ATP2C1: variants seen among roughly 807,000 people sequenced by gnomAD.
ATP2C1 encodes the protein ATPase secretory pathway Ca2+ transporting 1.
Under a neutral mutation model 120.5 loss-of-function variants are expected in ATP2C1, and 31 were observed. The ratio of observed to expected loss-of-function variants is 0.26; its 90% confidence interval spans 0.19 to 0.35. ATP2C1 has a LOEUF of 0.35. ATP2C1 is among the 10% of genes least tolerant of loss of function. The pLI is 1.00. For synonymous variants in ATP2C1, 351 were observed against 358.7 expected, an observed-to-expected ratio of 0.98 and a Z score of 0.24; for missense variants, 731 against 1,107.5, an observed-to-expected ratio of 0.66 and a Z score of 4.83.
rs1347094326 is a variant in ATP2C1 at position 130,919,131 on chromosome 3, G to T, written c.7-11285G>T. 1.2e-5 allele frequency: 4 copies of T among 324,882 alleles called. No homozygotes were observed. In the East Asian group the frequency reaches 4.0e-4, roughly 33 times the overall value. 20.1% of individuals were successfully genotyped at this position (324,882 alleles called of 1,614,324 possible). A position where few individuals can be genotyped will look rare whatever the true frequency, so the allele number is the denominator to read the frequency against. On this transcript the variant is annotated intron_variant, in intron 2 of 27. Transcript: ENST00000510168. ...TCCACGCAGGCATTTTGAGTTGGAGGCAGGAGCACGCATCACAGGCGGAGC... is the reference window on the plus strand; with the variant it reads ...TCCACGCAGGCATTTTGAGTTGGAGTCAGGAGCACGCATCACAGGCGGAGC...
chr3:130,924,344 C>T (rs985295801), intron 2 of ATP2C1, among the ~76,000 whole-genome samples: 2 of 152,082 alleles, frequency 1.3e-5, no homozygotes, highest in Non-Finnish European at 2.9e-5. Flanking sequence ...CTTAGTTTTG[C>T]TGGATACAAA....
intron 1 of ATP2C1, among the ~76,000 whole-genome samples, chr3:130,866,825 C>A (rs1337382103): frequency 6.6e-6 from 1 of 152,158 alleles, no homozygotes; most frequent in African/African-American, 2.4e-5. Flanking sequence ...CCATTTTATT[C>A]CACTTCACTT....
chr3:131,010,002 T>C (rs968028586), intron 26 of ATP2C1, among the ~76,000 whole-genome samples: 1 of 152,044 alleles, frequency 6.6e-6, no homozygotes, highest in Non-Finnish European at 1.5e-5. Context: ...AGGTAAATGG[T>C]ACACCAGCCA....
chr3:130,885,693 G>T (rs1221449060), intron 1 of ATP2C1, among the ~76,000 whole-genome samples: 3 of 151,608 alleles, frequency 2.0e-5, no homozygotes, highest in Non-Finnish European at 4.4e-5. Flanking sequence ...ATTGTACTAT[G>T]TCTTGAAAAG....
At chr3:130,958,968 AAAT>A (rs2060698492) in intron 11 of ATP2C1, among the ~76,000 whole-genome samples, 1 of 152,180 alleles carries the variant, frequency 6.6e-6, no homozygotes, top group African/African-American at 2.4e-5. Context: ...ATTTTTAAAA[AAAT>A]AATAAAATAT....
At chr3:130,963,861 T>C in intron 12 of ATP2C1, 110 bp from the exon 13 acceptor site, 1 of 1,309,068 alleles carries the variant, frequency 7.6e-7, no homozygotes. Context: ...TTTTTAGGTA[T>C]TGACTATATT....
At chr3:130,920,269 G>A (rs1387790834) in intron 2 of ATP2C1, among the ~76,000 whole-genome samples, 1 of 152,174 alleles carries the variant, frequency 6.6e-6, no homozygotes, top group Admixed American at 6.5e-5. Context: ...CGACACCAGT[G>A]TCATGAAGCT....
Position 130,941,703 on chromosome 3 carries a change from A to G in ATP2C1, c.531+4A>G. On this transcript the variant is annotated splice_donor_region_variant and intron_variant, in intron 8 of 27. Coordinates refer to ENST00000510168, the MANE Select transcript of ATP2C1 (RefSeq NM_001378687.1). ...TGCTGACTTACGCTTGTTTGAGGTAAATTTGGGATCTGATTGTAATAAGTG... is the reference window on the plus strand; with the variant it reads ...TGCTGACTTACGCTTGTTTGAGGTAGATTTGGGATCTGATTGTAATAAGTG... 4 of 1,607,128 alleles carry G rather than the reference A, an allele frequency of 2.5e-6. No homozygotes were observed. Among genetic ancestry groups the G allele is most frequent in the Non-Finnish European group, 3.4e-6 (4 of 1,173,668 alleles).
chr3:131,001,899 AC>A lies in ATP2C1; in HGVS notation c.*550del, dbSNP rs1418092214. ...ATCATTTTTGTATCAAGTTTTTTGC[AC>A]AGGATGTGACCACTGTCAGATCACT... On this transcript the variant is annotated 3_prime_UTR_variant, in exon 28 of 28. Transcript: ENST00000510168. 1.0e-6 allele frequency: 1 copy of A among 985,400 alleles called. No homozygotes were observed. The highest frequency in any genetic ancestry group is 1.1e-4 in the East Asian group (1 of 8,828). The allele number at this position is 985,400 out of a possible 1,614,324, so 61.0% of individuals were successfully genotyped here. A position where few individuals can be genotyped will look rare whatever the true frequency, so the allele number is the denominator to read the frequency against.
chr3:130,935,149 T>C (rs1308374761), intron 5 of ATP2C1, among the ~76,000 whole-genome samples: 3 of 152,224 alleles, frequency 2.0e-5, no homozygotes, highest in Admixed American at 2.0e-4. Flanking sequence ...TCTGCTTTTA[T>C]TATAGTTACA....
At chr3:130,912,926 A>G (rs2058503307) in intron 2 of ATP2C1, among the ~76,000 whole-genome samples, 1 of 151,706 alleles carries the variant, frequency 6.6e-6, no homozygotes, top group South Asian at 2.1e-4. Flanking sequence ...TGCAGCCATA[A>G]AAAATGATGA....
At chr3:130,960,246 C>G (rs2060760476) in intron 12 of ATP2C1, among the ~76,000 whole-genome samples, 1 of 152,208 alleles carries the variant, frequency 6.6e-6, no homozygotes, top group African/African-American at 2.4e-5. Flanking sequence ...CAGACCACAT[C>G]TGATACCTGT....
chr3:130,927,017 C>A (rs2059239473), intron 2 of ATP2C1, among the ~76,000 whole-genome samples: 1 of 152,196 alleles, frequency 6.6e-6, no homozygotes, highest in Non-Finnish European at 1.5e-5. Flanking sequence ...AGTCTGCTTG[C>A]CACATCAGAT....
chr3:130,996,155 T>G (rs769427650), intron 23 of ATP2C1, 44 bp downstream of exon 23: 2 of 1,368,514 alleles, frequency 1.5e-6, no homozygotes, highest in South Asian at 2.3e-5. Flanking sequence ...TCTGGATAAA[T>G]TATATGAAAA....
chr3:130,969,577 T>C (rs1273057991), intron 17 of ATP2C1, among the ~76,000 whole-genome samples, 181 bp downstream of exon 17: 4 of 152,218 alleles, frequency 2.6e-5, no homozygotes, highest in East Asian at 3.8e-4. Flanking sequence ...TCTTTCCTTA[T>C]AGAATCCATG....
At chr3:130,957,811 C>T (rs2060646062) in intron 11 of ATP2C1, among the ~76,000 whole-genome samples, 1 of 152,126 alleles carries the variant, frequency 6.6e-6, no homozygotes, top group African/African-American at 2.4e-5. Flanking sequence ...CTCAGCCTCC[C>T]AAAGTGCAGG....
intron 20 of ATP2C1, among the ~76,000 whole-genome samples, chr3:130,990,310 A>T (rs218483): frequency 0.89 from 124,727 of 139,844 alleles, 55,926 homozygotes; most frequent in Non-Finnish European, 0.95. Context: ...TTTGAATGAT[A>T]AGAGAGGGAG....
At chr3:130,982,607 G>A (rs768826004) in intron 20 of ATP2C1, among the ~76,000 whole-genome samples, 1 of 152,066 alleles carries the variant, frequency 6.6e-6, no homozygotes, top group Admixed American at 6.6e-5. Context: ...CACTTATCTG[G>A]AATTTATTTT....
At chr3:130,981,663 T>G (rs2061769685) in intron 20 of ATP2C1, among the ~76,000 whole-genome samples, 1 of 152,176 alleles carries the variant, frequency 6.6e-6, no homozygotes, top group Non-Finnish European at 1.5e-5. Context: ...TTTATTATTT[T>G]GCAACCCCAC....
Sources: gnomAD v4.1 joint callset for allele counts (sites outside exome capture counted in the v4.1 genomes callset) on GRCh38, gnomAD v4.1.1 for gene constraint, MANE v1.5 for transcripts, NCBI Gene and HGNC (gene_info 2026-07-23, HGNC 2026-07-21) for gene names.